The following DIP2C variants were observed in gnomAD, a reference collection of about 807,000 sequenced individuals.
DIP2C encodes the protein DIP2 acetate--CoA ligase C (putative).
A neutral mutation model predicts 192.4 loss-of-function variants in DIP2C; 33 were observed. The ratio of observed to expected loss-of-function variants is 0.17; its 90% confidence interval spans 0.13 to 0.23. The LOEUF (loss-of-function observed/expected upper bound fraction) is 0.23. Among genes scored for constraint, DIP2C ranks in the 10% least tolerant of loss-of-function variants. The pLI, the probability that DIP2C is intolerant of heterozygous loss-of-function variation, is 1.00. For missense variants in DIP2C, 1,537 were observed against 2,110.1 expected, an observed-to-expected ratio of 0.73 and a Z score of 5.32; for synonymous variants, 979 against 864.1, an observed-to-expected ratio of 1.13 and a Z score of -2.33.
chr10:689,130 C>T lies in DIP2C; in HGVS notation c.85+364G>A, dbSNP rs577400810. Among the ~76,000 whole-genome samples, 1 of 152,094 alleles carries T rather than the reference C, an allele frequency of 6.6e-6. No individual in the cohort carries two copies. The highest frequency in any genetic ancestry group is 1.5e-5 in the Non-Finnish European group (1 of 67,978). On this transcript the variant is annotated intron_variant, in intron 1 of 36. Coordinates refer to ENST00000280886, the MANE Select transcript of DIP2C (RefSeq NM_014974.3). This position sits in a 1 kb window ranked among gnomAD's most constrained non-coding sequence, Gnocchi z 6.1. The stretch of plus-strand genomic sequence containing the variant: ...GCATCCTGCGTCCCCGCGCGGCGCC[C>T]AGGCCCCACAGACACCCCCAGGGCG...
intron 4 of DIP2C, among the ~76,000 whole-genome samples, chr10:432,914 A>T (rs910601371): frequency 3.3e-5 from 5 of 152,144 alleles, no homozygotes; most frequent in African/African-American, 1.2e-4. Context: ...TTTTAAGTGT[A>T]TTGTTTAATT....
rs199752672 is a variant in DIP2C, at chr10:441,020, C to G, written c.269-24G>C. On this transcript the variant is annotated intron_variant, in intron 3 of 36. Transcript: ENST00000280886. ...GTCTGAAACGGAGAGAGCTCAGTCA[C>G]TCAGTGCTCAGCTGAGGTCCCAGAG... 6.2e-6 allele frequency: 10 copies of G among 1,604,412 alleles called. No homozygotes were observed. The African/African-American group carries it at 1.2e-4, about 19-fold the overall frequency.
intron 1 of DIP2C, among the ~76,000 whole-genome samples, chr10:494,075 G>C (rs1329813525): frequency 6.6e-6 from 1 of 152,220 alleles, no homozygotes; most frequent in African/African-American, 2.4e-5. Flanking sequence ...ACCCCGAGGT[G>C]AGTGGCAGAG....
At chr10:534,671 A>ATT (rs398045806) in intron 1 of DIP2C, among the ~76,000 whole-genome samples, 55 of 101,844 alleles carry the variant, frequency 5.4e-4, no homozygotes, top group Non-Finnish European at 8.6e-4. Context: ...GATGATTATT[A>ATT]TTTTTTTTTT....
At chr10:572,456 T>C (rs557708230) in intron 1 of DIP2C, among the ~76,000 whole-genome samples, 1 of 152,362 alleles carries the variant, frequency 6.6e-6, no homozygotes, top group East Asian at 1.9e-4. Context: ...GTGAGTCTAA[T>C]GTTGATGACA....
intron 32 of DIP2C, among the ~76,000 whole-genome samples, chr10:302,371 C>T (rs1025271737): frequency 8.5e-5 from 13 of 152,128 alleles, no homozygotes; most frequent in African/African-American, 3.1e-4. Flanking sequence ...ACAATGGGTC[C>T]TGAGCTTAAT....
At chr10:534,189 C>T (rs1190611213) in intron 1 of DIP2C, among the ~76,000 whole-genome samples, 1 of 152,212 alleles carries the variant, frequency 6.6e-6, no homozygotes, top group Non-Finnish European at 1.5e-5. Flanking sequence ...CTTCACAGGG[C>T]TCAGGCCTCC....
chr10:382,492 C>T (rs1962465753), intron 17 of DIP2C, 155 bp downstream of exon 17: 2 of 604,948 alleles, frequency 3.3e-6, no homozygotes, highest in East Asian at 5.6e-5. Context: ...AGAATCTGTT[C>T]CAGCACATAA....
intron 32 of DIP2C, 88 bp downstream of exon 32, chr10:309,943 C>T (rs1956499680): frequency 1.6e-6 from 2 of 1,283,188 alleles, no homozygotes; most frequent in African/African-American, 3.0e-5. Context: ...ATCGTGTGCA[C>T]CTCTTCTTCT....
chr10:618,158 T>C (rs1853598710), intron 1 of DIP2C, among the ~76,000 whole-genome samples: 1 of 152,266 alleles, frequency 6.6e-6, no homozygotes, highest in Middle Eastern at 3.2e-3. Context: ...TTCAATCATG[T>C]GAGTTACACA....
rs1381805352 is a variant in DIP2C at position 327,114 on chromosome 10, C to T, written c.3816G>A (p.Arg1272=). 2 of 1,614,042 alleles carry T rather than the reference C, an allele frequency of 1.2e-6. No individual in the cohort carries two copies. The highest frequency in any genetic ancestry group is 1.7e-6 in the Non-Finnish European group (2 of 1,180,038). Residue 1272 remains arginine (R), a synonymous_variant, in exon 31 of 37, where the codon CGG becomes CGA. Transcript: ENST00000280886. Reference sequence around the variant, plus strand: ...TTGAGAACGACTGTGTGAGTGCGATCCGAGGCCTCTCTTCCGCCACAACCA... The same window carrying T: ...TTGAGAACGACTGTGTGAGTGCGATTCGAGGCCTCTCTTCCGCCACAACCA... ...TCVVVAEERP[R]IALTQSFSKL... is the part of the protein sequence containing the mutation.
chr10:534,482 C>A (rs1031588246), intron 1 of DIP2C, among the ~76,000 whole-genome samples: 1 of 152,106 alleles, frequency 6.6e-6, no homozygotes, highest in African/African-American at 2.4e-5. Context: ...AAGAAGTTAG[C>A]GCACATTCCT....
At chr10:337,049 G>GGTGTGTGTGTGTGTGTGTGTGTGTGT (rs148004134) in intron 29 of DIP2C, among the ~76,000 whole-genome samples, 6 of 37,962 alleles carry the variant, frequency 1.6e-4, no homozygotes, top group African/African-American at 6.3e-4. Context: ...GGCCTAGACT[G>GGTGTGTGTGTGTGTGTGTGTGTGTGT]GTGTGTGTGT....
At chr10:600,442 A>G (rs72478226) in intron 1 of DIP2C, among the ~76,000 whole-genome samples, 1,430 of 123,302 alleles carry the variant, frequency 0.012, 62 homozygotes, top group African/African-American at 0.053. Flanking sequence ...CAGGGTGTGC[A>G]GATGCTCCGG....
At chr10:378,830 GATGTGAACAGACATGCATAGACAC>G (rs1399691407) in intron 17 of DIP2C, among the ~76,000 whole-genome samples, 9 of 150,942 alleles carry the variant, frequency 6.0e-5, no homozygotes, top group South Asian at 4.2e-4. Context: ...GACATGCACA[GATGTGAACAGACATGCATAGACAC>G]ATGTGAACAG....
intron 32 of DIP2C, among the ~76,000 whole-genome samples, chr10:298,343 G>A (rs377346305): frequency 6.6e-6 from 1 of 152,134 alleles, no homozygotes; most frequent in African/African-American, 2.4e-5. Flanking sequence ...TTTTGGAAAA[G>A]GGCTTTAGAG....
intron 1 of DIP2C, among the ~76,000 whole-genome samples, chr10:595,744 CAA>C (rs1051118706): frequency 6.6e-6 from 1 of 152,152 alleles, no homozygotes; most frequent in African/African-American, 2.4e-5. Context: ...CGGCCCTCCA[CAA>C]AGTCAGGTTT....
At chr10:294,144 T>A (rs1955630691) in intron 32 of DIP2C, among the ~76,000 whole-genome samples, 1 of 152,144 alleles carries the variant, frequency 6.6e-6, no homozygotes, top group South Asian at 2.1e-4. Flanking sequence ...TGTGTTTTCT[T>A]CCCATAAAAG....
chr10:533,394 C>G (rs568882868), intron 1 of DIP2C, among the ~76,000 whole-genome samples: 300 of 152,214 alleles, frequency 2.0e-3, no homozygotes, highest in African/African-American at 6.4e-3. Flanking sequence ...CCGCACAGCC[C>G]GGGCACCATA....
Sources: allele counts gnomAD v4.1 joint callset (sites outside exome capture counted in the v4.1 genomes callset), GRCh38; gene constraint gnomAD v4.1.1; non-coding constraint Gnocchi (gnomAD v3.1); transcripts MANE v1.5; gene names NCBI Gene and HGNC (gene_info 2026-07-23, HGNC 2026-07-21).